The following SUMF1 variants were observed in gnomAD, a reference collection of about 807,000 sequenced individuals.
SUMF1 encodes the protein formylglycine-generating enzyme.
Under a neutral mutation model 47.6 loss-of-function variants are expected in SUMF1, and 48 were observed. That is an observed-to-expected ratio of 1.01 (90% confidence interval 0.80 to 1.28). The LOEUF is 1.28. SUMF1 is among the 50% of genes most tolerant of loss of function. The pLI is 0.00. For synonymous variants in SUMF1, 230 were observed against 192.1 expected (o/e 1.20, Z -1.63); for missense variants, 571 against 485.4 (o/e 1.18, Z -1.66).
chr3:4,141,257 GT>G (rs2125096582), intron 8 of SUMF1, among the ~76,000 whole-genome samples: 1 of 152,236 alleles, frequency 6.6e-6, no homozygotes, highest in Non-Finnish European at 1.5e-5. Flanking sequence ...TAATACGGAG[GT>G]AATCATCAAT....
rs567840194 is a variant in SUMF1 at position 4,252,693 on chromosome 3, C to T, written c.1014+123637G>A. On this transcript the variant is annotated intron_variant and NMD_transcript_variant, in intron 8 of 12. Coordinates refer to the SUMF1 transcript ENST00000448413. ...TTTCTTCCCAATGTGCTACATGCAC[C>T]GGGCCAACCCCTTTAATGAAGGGGA... Among the ~76,000 whole-genome samples the T allele has an allele frequency of 3.3e-5, 5 of 152,146 alleles. 1 individual carries two copies. In the South Asian group the frequency reaches 1.0e-3, roughly 32 times the overall value.
intron 8 of SUMF1, among the ~76,000 whole-genome samples, chr3:4,322,132 C>T (rs986602305): frequency 2.0e-5 from 3 of 151,926 alleles, no homozygotes; most frequent in Admixed American, 2.0e-4. Context: ...TTGTCACAAC[C>T]AAGAGGAGTC....
Position 4,260,567 on chromosome 3 carries a change from T to C in SUMF1, c.1014+115763A>G, listed in dbSNP as rs73116002. Among the ~76,000 whole-genome samples the C allele has an allele frequency of 9.0e-3, 1,374 of 152,186 alleles. 20 individuals carry two copies. The highest frequency in any genetic ancestry group is 0.032 in the African/African-American group (1,310 of 41,526). ...CTGGGCATAACGTAGATCATTGTCT[T>C]ATTTGTAGAAGAATTCTGAACAGAT... is the stretch of plus-strand genomic sequence containing the variant. On this transcript the variant is annotated intron_variant and NMD_transcript_variant, in intron 8 of 12. Coordinates refer to the SUMF1 transcript ENST00000448413.
chr3:4,060,917 T>C (rs540897138), intron 9 of SUMF1, among the ~76,000 whole-genome samples: 1 of 152,276 alleles, frequency 6.6e-6, no homozygotes, highest in Admixed American at 6.5e-5. Flanking sequence ...GTTCCTACTC[T>C]GTAAATGGAA....
chr3:4,367,104 G>A (rs1005455052), intron 8 of SUMF1, among the ~76,000 whole-genome samples: 41 of 152,050 alleles, frequency 2.7e-4, no homozygotes, highest in Admixed American at 5.9e-4. Context: ...GTACCCGGCC[G>A]TGTGAGGTGT....
intron 8 of SUMF1, among the ~76,000 whole-genome samples, chr3:4,276,313 T>C (rs1697415917): frequency 1.3e-5 from 2 of 152,160 alleles, no homozygotes; most frequent in African/African-American, 4.8e-5. Flanking sequence ...AATGAAGAAA[T>C]AGCCTAAAAA....
intron 8 of SUMF1, among the ~76,000 whole-genome samples, chr3:4,196,402 C>T (rs1487901376): frequency 1.3e-5 from 2 of 152,074 alleles, no homozygotes; most frequent in Non-Finnish European, 2.9e-5. Context: ...GGGAAGCTTT[C>T]CTCCCTATAC....
At chr3:4,450,754 G>A (rs1332922178) in intron 2 of SUMF1, among the ~76,000 whole-genome samples, 2 of 152,126 alleles carry the variant, frequency 1.3e-5, no homozygotes, top group Non-Finnish European at 2.9e-5. Flanking sequence ...AAGCTGAGAT[G>A]ACTCAAGAAT....
chr3:4,333,170 A>G (rs541411500), intron 8 of SUMF1, among the ~76,000 whole-genome samples: 1 of 152,326 alleles, frequency 6.6e-6, no homozygotes, highest in Non-Finnish European at 1.5e-5. Flanking sequence ...GGAAGCTGTC[A>G]CACTTGCCCT....
intron 9 of SUMF1, among the ~76,000 whole-genome samples, chr3:4,040,784 T>C (rs566030569): frequency 1.3e-5 from 2 of 152,284 alleles, no homozygotes; most frequent in Non-Finnish European, 2.9e-5. Context: ...TATTACTAGA[T>C]GCAGAGTAAC....
At chr3:4,197,862 T>A (rs374065860) in intron 8 of SUMF1, among the ~76,000 whole-genome samples, 20 of 152,246 alleles carry the variant, frequency 1.3e-4, no homozygotes, top group African/African-American at 4.3e-4. Flanking sequence ...CAACTCCAAC[T>A]GTGATCCATG....
intron 3 of SUMF1, among the ~76,000 whole-genome samples, chr3:4,446,335 C>T (rs1043403850): frequency 2.0e-5 from 3 of 152,174 alleles, no homozygotes; most frequent in Non-Finnish European, 2.9e-5. Context: ...AGGGCAGCTC[C>T]CCTGCACAAA....
At chr3:4,064,501 T>C (rs183443812) in intron 9 of SUMF1, among the ~76,000 whole-genome samples, 14 of 152,274 alleles carry the variant, frequency 9.2e-5, no homozygotes, top group African/African-American at 2.6e-4. Context: ...ACTATAAGTA[T>C]ACTCAGTTGA....
At chr3:4,123,170 T>C (rs907137005) in intron 8 of SUMF1, among the ~76,000 whole-genome samples, 12 of 152,088 alleles carry the variant, frequency 7.9e-5, no homozygotes, top group Admixed American at 7.2e-4. Flanking sequence ...TAGACGTGAT[T>C]AGAGGGGATG....
Position 4,362,023 on chromosome 3 carries a change from C to G in SUMF1, c.*121G>C. On this transcript the variant is annotated 3_prime_UTR_variant, in exon 9 of 9. Coordinates refer to ENST00000272902, the MANE Select transcript of SUMF1 (RefSeq NM_182760.4). ...CAAGGCGGTTCCTTTGGCCATTGGGCAGGTATGTAACCCACCTCAGGGTGG... is the reference window on the plus strand; with the variant it reads ...CAAGGCGGTTCCTTTGGCCATTGGGGAGGTATGTAACCCACCTCAGGGTGG... The G allele has an allele frequency of 1.1e-6, 1 of 928,476 alleles. No homozygotes were observed. Among genetic ancestry groups the G allele is most frequent in the Non-Finnish European group, 1.7e-6 (1 of 589,164 alleles). 57.5% of individuals were successfully genotyped at this position (928,476 alleles called of 1,614,324 possible).
intron 9 of SUMF1, among the ~76,000 whole-genome samples, chr3:4,060,018 G>C (rs1261015502): frequency 6.6e-6 from 1 of 152,128 alleles, no homozygotes. Context: ...AGATGGGAGA[G>C]ACAGGCATGG....
chr3:4,293,386 T>A (rs1697778819), intron 8 of SUMF1, among the ~76,000 whole-genome samples: 2 of 152,140 alleles, frequency 1.3e-5, no homozygotes. Context: ...AGCCACCTAT[T>A]TTGCCTCTCC....
chr3:4,274,980 C>G (rs1378960076), intron 8 of SUMF1, among the ~76,000 whole-genome samples: 3 of 152,102 alleles, frequency 2.0e-5, no homozygotes, highest in African/African-American at 7.2e-5. Flanking sequence ...AAGCCCTGAT[C>G]ACACCAGAGG....
intron 8 of SUMF1, chr3:4,316,789 T>C: frequency 6.4e-7 from 1 of 1,550,780 alleles, no homozygotes; most frequent in Non-Finnish European, 8.7e-7. Context: ...AAGGTCATGG[T>C]CACTATTTGG....
Sources: allele counts gnomAD v4.1 joint callset (sites outside exome capture counted in the v4.1 genomes callset), GRCh38; gene constraint gnomAD v4.1.1; transcripts MANE v1.5; gene names NCBI Gene and HGNC (gene_info 2026-07-23, HGNC 2026-07-21).